NECAP1: variants seen among roughly 807,000 people sequenced by gnomAD.
NECAP1 encodes the protein adaptin ear-binding coat-associated protein 1.
Under a neutral mutation model 33.4 loss-of-function variants are expected in NECAP1, and 13 were observed. The observed-to-expected ratio is 0.39, with a 90% confidence interval of 0.25 to 0.62. The LOEUF is 0.62. NECAP1 is among the 20% of genes least tolerant of loss of function. The probability of loss-of-function intolerance (pLI) is 0.52; values close to 1 mark genes in which losing one functional copy is unlikely to be tolerated. For synonymous variants in NECAP1, 109 were observed against 125.2 expected (o/e 0.87, Z 0.86); for missense variants, 272 against 347.4 (o/e 0.78, Z 1.73).
chr12:8,093,577 A>T (rs117124737), intron 6 of NECAP1: 197 of 155,102 alleles, frequency 1.3e-3, no homozygotes, highest in Admixed American at 3.4e-3. Flanking sequence ...AAAAATACAA[A>T]CATTAGTTGG....
intron 1 of NECAP1, chr12:8,082,784 A>T (rs1423550717): frequency 0.06 from 5,213 of 86,882 alleles, 184 homozygotes; most frequent in African/African-American, 0.15. Flanking sequence ...TCACACACAC[A>T]CACACACACA....
At chr12:8,082,832 A>T (rs907197817) in intron 1 of NECAP1, 1 of 154,676 alleles carries the variant, frequency 6.5e-6, no homozygotes, top group South Asian at 1.8e-4. Flanking sequence ...CCAGTTCCCC[A>T]TGCACATTTA....
At chr12:8,095,357 T>G (rs1412590303) in intron 6 of NECAP1, 9 of 316,836 alleles carry the variant, frequency 2.8e-5, no homozygotes, top group African/African-American at 2.0e-4. Flanking sequence ...CACGCCATTC[T>G]CCTGCCTCAG....
At chr12:8,083,137 C>T (rs1259168160) in intron 1 of NECAP1, among the ~76,000 whole-genome samples, 1 of 152,162 alleles carries the variant, frequency 6.6e-6, no homozygotes, top group Admixed American at 6.5e-5. Context: ...GGCCTAACTA[C>T]CTACCTTGTA....
chr12:8,095,645 G>C lies in NECAP1; in HGVS notation c.721G>C (p.Ala241Pro), dbSNP rs373979360. 10 of 1,613,856 alleles carry C rather than the reference G, an allele frequency of 6.2e-6. No homozygotes were observed. The highest frequency in any genetic ancestry group is 8.5e-6 in the Non-Finnish European group (10 of 1,179,908). Residue 241 changes from alanine (A) to proline (P), a missense_variant, in exon 7 of 8, where the codon GCA becomes CCA. Physicochemically the swap from Ala to Pro is conservative, Grantham distance 27. Transcript: ENST00000339754. ...LDSPAPVTTPAPTPVSVSNDL... is the reference protein window; with the variant it reads ...LDSPAPVTTPPPTPVSVSNDL... ...TTCTCCTGCTCCTGTCACGACACCA[G>C]CACCAACTCCAGTTTCTGTAAGCAA... is the stretch of plus-strand genomic sequence containing the variant.
At position 8,092,771 on chromosome 12, in the gene NECAP1, A is replaced by C. The variant is rs1026484267; in HGVS notation, c.479A>C (p.Lys160Thr). The change falls in exon 5 of 8, where the codon AAG becomes ACG. Residue 160 changes from lysine (K) to threonine (T), a missense_variant. Coordinates refer to ENST00000339754, the MANE Select transcript of NECAP1 (RefSeq NM_015509.4). Reference sequence around the variant, plus strand: ...GGCTTCAAGGAAGGACAAACCATCAAGTTGTGTATCGGGGTGAGTATGGTT... The same window carrying C: ...GGCTTCAAGGAAGGACAAACCATCACGTTGTGTATCGGGGTGAGTATGGTT... ...DLGFKEGQTI[K>T]LCIGNITNKK... The C allele has an allele frequency of 1.9e-6, 3 of 1,613,474 alleles. No individual in the cohort carries two copies. The highest frequency in any genetic ancestry group is 1.1e-5 in the South Asian group (1 of 91,030).
At chr12:8,083,421 C>CTTTTTTTTTTT (rs71042328) in intron 1 of NECAP1, among the ~76,000 whole-genome samples, 18 of 65,842 alleles carry the variant, frequency 2.7e-4, no homozygotes, top group South Asian at 7.4e-4. Context: ...TTTGTTTGTT[C>CTTTTTTTTTTT]TTTTTTTTTT....
intron 1 of NECAP1, among the ~76,000 whole-genome samples, chr12:8,086,710 C>T (rs1201878433): frequency 1.3e-5 from 2 of 152,054 alleles, no homozygotes; most frequent in East Asian, 1.9e-4. Context: ...CCAAGGCGGG[C>T]GGATTTCCTG....
chr12:8,091,346 A>T (rs995956613), intron 3 of NECAP1: 1 of 169,336 alleles, frequency 5.9e-6, no homozygotes, highest in African/African-American at 2.4e-5. Flanking sequence ...CTTTATTTCT[A>T]TTATTATTAC....
chr12:8,086,589 A>G (rs1049682122), intron 1 of NECAP1, among the ~76,000 whole-genome samples: 1 of 152,074 alleles, frequency 6.6e-6, no homozygotes, highest in African/African-American at 2.4e-5. Flanking sequence ...TCTCCAGCCT[A>G]GGCGACAGAG....
At position 8,090,045 on chromosome 12, in the gene NECAP1, T is replaced by A; in HGVS notation, c.196+9T>A. 6.2e-7 allele frequency: 1 copy of A among 1,608,336 alleles called. No individual in the cohort carries two copies. Among genetic ancestry groups the A allele is most frequent in the Non-Finnish European group, 8.5e-7 (1 of 1,174,752 alleles). ...CGAGGATAAAGTTTCAGGTAATCTTTGCGGGTGACCCTCTAACATTAAGAA... is the reference window on the plus strand; with the variant it reads ...CGAGGATAAAGTTTCAGGTAATCTTAGCGGGTGACCCTCTAACATTAAGAA... On this transcript the variant is annotated intron_variant, in intron 2 of 7. Transcript: ENST00000339754.
chr12:8,095,754 T>C (rs748190369), intron 7 of NECAP1, 51 bp downstream of exon 7: 4 of 1,507,808 alleles, frequency 2.7e-6, no homozygotes, highest in South Asian at 1.1e-5. Context: ...GTAGGAGATA[T>C]GTACAGTCAA....
chr12:8,093,328 G>A (rs1178639714), intron 6 of NECAP1: 1 of 405,384 alleles, frequency 2.5e-6, no homozygotes, highest in East Asian at 4.7e-5. Flanking sequence ...TGAGTCAGAT[G>A]GACCAAGATT....
intron 1 of NECAP1, among the ~76,000 whole-genome samples, chr12:8,084,176 A>G (rs1788534567): frequency 1.3e-5 from 2 of 152,086 alleles, no homozygotes; most frequent in Admixed American, 6.5e-5. Flanking sequence ...CGTTTTATTC[A>G]TCATGAATCA....
At chr12:8,083,095 C>T (rs1947456130) in intron 1 of NECAP1, 1 of 152,202 alleles carries the variant, frequency 6.6e-6, no homozygotes, top group South Asian at 2.1e-4. Context: ...CACCTTTTCC[C>T]TCCAAAGTTG....
intron 6 of NECAP1, among the ~76,000 whole-genome samples, chr12:8,094,254 G>A (rs1947575029): frequency 6.6e-6 from 1 of 152,096 alleles, no homozygotes; most frequent in Non-Finnish European, 1.5e-5. Context: ...GATAATCGTA[G>A]ATTAACATGC....
At chr12:8,095,461 G>A (rs1947586062) in intron 6 of NECAP1, 140 bp from the exon 7 acceptor site, 4 of 487,310 alleles carry the variant, frequency 8.2e-6, no homozygotes, top group South Asian at 5.7e-5. Context: ...TGTTAGCCAG[G>A]ATGGTCTCGA....
intron 4 of NECAP1, 27 bp from the exon 5 acceptor site, chr12:8,092,648 AC>A (rs746234678): frequency 6.4e-7 from 1 of 1,552,996 alleles, no homozygotes; most frequent in African/African-American, 1.4e-5. Context: ...GAAATCTCAA[AC>A]TAAGATAACT....
intron 1 of NECAP1, among the ~76,000 whole-genome samples, chr12:8,087,007 T>TTTA (rs1947496995): frequency 7.1e-6 from 1 of 140,244 alleles, no homozygotes; most frequent in South Asian, 2.3e-4. Flanking sequence ...ATAAAACTAT[T>TTTA]TTTTTTTAAA....
Sources: gnomAD v4.1 joint callset for allele counts (sites outside exome capture counted in the v4.1 genomes callset) on GRCh38, gnomAD v4.1.1 for gene constraint, MANE v1.5 for transcripts, NCBI Gene and HGNC (gene_info 2026-07-23, HGNC 2026-07-21) for gene names.